SLC4A10: variants seen among roughly 807,000 people sequenced by gnomAD.
SLC4A10 encodes the protein sodium-driven chloride bicarbonate exchanger.
In SLC4A10, 42 loss-of-function variants were observed where a neutral mutation model predicts 137.7. The observed-to-expected ratio is 0.30, with a 90% CI of 0.24 to 0.39. The LOEUF (loss-of-function observed/expected upper bound fraction) is 0.39. Among genes scored for constraint, SLC4A10 ranks in the 10% least tolerant of loss-of-function variants. The pLI is 1.00. For missense variants in SLC4A10, 925 were observed against 1,355.0 expected (o/e 0.68, Z 4.98); for synonymous variants, 474 against 464.1 (o/e 1.02, Z -0.27).
intron 19 of SLC4A10, among the ~76,000 whole-genome samples, chr2:161,956,271 G>A (rs1209410273): frequency 2.0e-5 from 3 of 152,116 alleles, no homozygotes; most frequent in Non-Finnish European, 4.4e-5. Flanking sequence ...GGGAAAAAGA[G>A]GCACAAGAGC....
chr2:161,820,123 A>T (rs2057490823), intron 3 of SLC4A10, among the ~76,000 whole-genome samples: 3 of 152,236 alleles, frequency 2.0e-5, no homozygotes, highest in Non-Finnish European at 4.4e-5. Context: ...GAATAAATTA[A>T]CACAGTCCTG....
chr2:161,660,196 A>G (rs1188860524), intron 1 of SLC4A10, among the ~76,000 whole-genome samples: 2 of 152,230 alleles, frequency 1.3e-5, no homozygotes, highest in East Asian at 3.9e-4. Context: ...AACTGCTAAA[A>G]ATAAAGAATT....
Position 161,985,011 on chromosome 2 carries a change from T to C in SLC4A10, c.*1859T>C, listed in dbSNP as rs1327595937. ...TCTGTATTTCTGAGTATTTTTATAG[T>C]CATTTTGTTCTTGTGTGAATTTTAA... On this transcript the variant is annotated 3_prime_UTR_variant, in exon 27 of 27. Transcript: ENST00000446997. The C allele has an allele frequency of 2.0e-5, 3 of 152,056 alleles. No individual in the cohort carries two copies. The highest frequency in any genetic ancestry group is 7.2e-5 in the African/African-American group (3 of 41,456). 9.4% of individuals were successfully genotyped at this position (152,056 alleles called of 1,614,324 possible). A position where few individuals can be genotyped will look rare whatever the true frequency, so the allele number is the denominator to read the frequency against.
At chr2:161,778,055 C>A (rs767933560) in intron 2 of SLC4A10, among the ~76,000 whole-genome samples, 4 of 151,886 alleles carry the variant, frequency 2.6e-5, no homozygotes, top group Admixed American at 6.6e-5. Flanking sequence ...ATGTTATTTC[C>A]CATGTTTTAG....
intron 15 of SLC4A10, among the ~76,000 whole-genome samples, chr2:161,939,332 C>T (rs1047111579): frequency 5.3e-5 from 8 of 152,106 alleles, no homozygotes; most frequent in African/African-American, 1.9e-4. Context: ...GCCTCTGCCT[C>T]CCAAAGTGCT....
At chr2:161,891,020 T>C (rs1342554959) in intron 10 of SLC4A10, among the ~76,000 whole-genome samples, 2 of 152,200 alleles carry the variant, frequency 1.3e-5, no homozygotes, top group African/African-American at 4.8e-5. Flanking sequence ...CATTTGCTTG[T>C]CTGTAAAGGA....
At chr2:161,664,509 TC>T (rs915897402) in intron 1 of SLC4A10, among the ~76,000 whole-genome samples, 6 of 151,912 alleles carry the variant, frequency 3.9e-5, no homozygotes, top group African/African-American at 1.4e-4. Flanking sequence ...GTAAATAAAG[TC>T]TTTTTAGCAT....
rs1575388096 is a variant in SLC4A10, at chr2:161,872,476, T to C, written c.858+92T>C. The C allele has an allele frequency of 1.2e-5, 11 of 915,700 alleles. No homozygotes were observed. In the East Asian group the frequency reaches 2.5e-4, roughly 21 times the overall value. The allele number at this position is 915,700 out of a possible 1,614,324, so 56.7% of individuals were successfully genotyped here. A position where few individuals can be genotyped will look rare whatever the true frequency, so the allele number is the denominator to read the frequency against. Reference sequence around the variant, plus strand: ...AGAGGTGTTGACACAATATTTTGCATGCGCTTTTTGTTTCTTGTCAAAGCT... The same window carrying C: ...AGAGGTGTTGACACAATATTTTGCACGCGCTTTTTGTTTCTTGTCAAAGCT... On this transcript the variant is annotated intron_variant, in intron 7 of 26. Transcript: ENST00000446997.
In SLC4A10 at chr2:161,624,501, C is replaced by T; in HGVS notation, c.-18C>T. ...GACACTGCAGAGCAAGGTGCTTATT[C>T]CAGAGGCGTTACAAAACATGGAGAT... On this transcript the variant is annotated 5_prime_UTR_variant, in exon 1 of 27. Coordinates refer to ENST00000446997, the MANE Select transcript of SLC4A10 (RefSeq NM_001178015.2). The T allele has an allele frequency of 6.4e-7, 1 of 1,552,818 alleles. No homozygotes were observed. Among genetic ancestry groups the T allele is most frequent in the Non-Finnish European group, 8.7e-7 (1 of 1,147,676 alleles).
chr2:161,851,861 T>C (rs2059852778), intron 4 of SLC4A10, among the ~76,000 whole-genome samples: 1 of 152,108 alleles, frequency 6.6e-6, no homozygotes, highest in Non-Finnish European at 1.5e-5. Context: ...TACTTGAGTA[T>C]AATTTTTGGA....
At chr2:161,865,128 T>C (rs531002940) in intron 6 of SLC4A10, among the ~76,000 whole-genome samples, 21 of 152,244 alleles carry the variant, frequency 1.4e-4, no homozygotes, top group East Asian at 5.8e-4. Context: ...TTAAATTTCA[T>C]TGGAGATAAT....
intron 15 of SLC4A10, among the ~76,000 whole-genome samples, chr2:161,926,318 CTT>C (rs1689070774): frequency 7.6e-6 from 1 of 131,020 alleles, no homozygotes; most frequent in South Asian, 2.6e-4. Flanking sequence ...GGCCTTGTCT[CTT>C]TTGATCTTTG....
intron 1 of SLC4A10, among the ~76,000 whole-genome samples, chr2:161,766,254 A>G (rs548413150): frequency 4.0e-4 from 61 of 152,254 alleles, no homozygotes; most frequent in African/African-American, 1.4e-3. Flanking sequence ...TCTTATTTAG[A>G]TTCTACTGCT....
chr2:161,871,068 T>C (rs1298890554), intron 6 of SLC4A10, among the ~76,000 whole-genome samples: 2 of 151,860 alleles, frequency 1.3e-5, no homozygotes, highest in Non-Finnish European at 2.9e-5. Context: ...AGTAAATAAT[T>C]AGTATTTTTA....
rs1684201207 is a variant in SLC4A10 at position 161,905,678 on chromosome 2, C to A, written c.1788C>A (p.Ser596Arg). The A allele has an allele frequency of 6.2e-7, 1 of 1,613,226 alleles. No homozygotes were observed. Among genetic ancestry groups the A allele is most frequent in the Non-Finnish European group, 8.5e-7 (1 of 1,179,638 alleles). ...YGLSYLSLRASIGLWTATLCI... is the reference protein window; with the variant it reads ...YGLSYLSLRARIGLWTATLCI... ...TGTCATACCTATCTTTAAGAGCTAG[C>A]ATTGGACTTTGGACTGCAACTCTAT... The change falls in exon 15 of 27, where the codon AGC becomes AGA. Residue 596 changes from serine to arginine, a missense_variant. Coordinates refer to ENST00000446997, the MANE Select transcript of SLC4A10 (RefSeq NM_001178015.2).
At chr2:161,677,782 CAGCAAGAT>C (rs2040426637) in intron 1 of SLC4A10, among the ~76,000 whole-genome samples, 1 of 152,144 alleles carries the variant, frequency 6.6e-6, no homozygotes, top group Non-Finnish European at 1.5e-5. Context: ...AATTAAGTGG[CAGCAAGAT>C]TTGGCACAGC....
At chr2:161,665,768 G>T (rs527343516) in intron 1 of SLC4A10, among the ~76,000 whole-genome samples, 18 of 151,408 alleles carry the variant, frequency 1.2e-4, no homozygotes, top group African/African-American at 4.1e-4. Flanking sequence ...ATTGGCTTGT[G>T]TGATTTGAAT....
intron 2 of SLC4A10, among the ~76,000 whole-genome samples, chr2:161,781,254 T>G (rs1455330695): frequency 6.6e-6 from 1 of 152,112 alleles, no homozygotes; most frequent in Non-Finnish European, 1.5e-5. Context: ...AATGATGGAC[T>G]AATGTCCTTT....
At chr2:161,674,843 A>G (rs535955501) in intron 1 of SLC4A10, among the ~76,000 whole-genome samples, 2 of 152,190 alleles carry the variant, frequency 1.3e-5, no homozygotes, top group Non-Finnish European at 2.9e-5. Context: ...AAGAGCTTAC[A>G]TTCTAGTCAG....
Sources: gnomAD v4.1 joint callset for allele counts (sites outside exome capture counted in the v4.1 genomes callset) on GRCh38, gnomAD v4.1.1 for gene constraint, MANE v1.5 for transcripts, NCBI Gene and HGNC (gene_info 2026-07-23, HGNC 2026-07-21) for gene names.